Variants in CAMK4 observed in about 807,000 individuals in gnomAD.
The protein encoded by CAMK4 is calcium/calmodulin-dependent protein kinase type IV.
A neutral mutation model predicts 44.9 loss-of-function variants in CAMK4; 22 were observed. The ratio of observed to expected loss-of-function variants is 0.49; its 90% CI spans 0.35 to 0.70. The LOEUF (loss-of-function observed/expected upper bound fraction) is 0.70, where lower values mean the gene tolerates loss of function less well. CAMK4 is among the 30% of genes least tolerant of loss of function. The probability of loss-of-function intolerance (pLI) is 0.01; values close to 1 mark genes in which losing one functional copy is unlikely to be tolerated. For missense variants in CAMK4, 498 were observed against 586.8 expected, an observed-to-expected ratio of 0.85 and a Z score of 1.56; for synonymous variants, 218 against 215.4, an observed-to-expected ratio of 1.01 and a Z score of -0.11.
intron 1 of CAMK4, among the ~76,000 whole-genome samples, chr5:111,273,754 CACAT>C (rs1255021337): frequency 3.5e-5 from 5 of 143,736 alleles, no homozygotes; most frequent in Admixed American, 2.1e-4. Context: ...CGCTCACACA[CACAT>C]ACACACACAC....
At chr5:111,324,987 C>T (rs1313214783) in intron 1 of CAMK4, among the ~76,000 whole-genome samples, 7 of 151,666 alleles carry the variant, frequency 4.6e-5, no homozygotes, top group South Asian at 2.1e-4. Flanking sequence ...TTTCCTAATG[C>T]GCTCCCTCCC....
chr5:111,365,115 A>AAG (rs1750742753), intron 2 of CAMK4: 1 of 152,318 alleles, frequency 6.6e-6, no homozygotes, highest in Non-Finnish European at 1.5e-5. Flanking sequence ...CCAACAGTGG[A>AAG]GACTATCCTG....
intron 5 of CAMK4, among the ~76,000 whole-genome samples, chr5:111,424,736 C>T (rs188098474): frequency 1.8e-4 from 28 of 151,956 alleles, no homozygotes; most frequent in Middle Eastern, 3.4e-3. Flanking sequence ...CGTGAGCCAC[C>T]GCGTCCAGCC....
At chr5:111,426,739 C>A (rs73787175) in intron 5 of CAMK4, among the ~76,000 whole-genome samples, 41 of 152,288 alleles carry the variant, frequency 2.7e-4, no homozygotes, top group Admixed American at 1.2e-3. Flanking sequence ...TCAGTGCTGT[C>A]CTGTTAGAGC....
intron 1 of CAMK4, among the ~76,000 whole-genome samples, chr5:111,295,984 A>G (rs1747467822): frequency 6.6e-6 from 1 of 152,258 alleles, no homozygotes. Context: ...TACTGTATTA[A>G]TGGTATAATA....
At chr5:111,453,319 A>G (rs1411297748) in intron 7 of CAMK4, among the ~76,000 whole-genome samples, 1 of 152,242 alleles carries the variant, frequency 6.6e-6, no homozygotes, top group Non-Finnish European at 1.5e-5. Flanking sequence ...TGAATTAAAT[A>G]CAAATTTTAA....
chr5:111,280,992 TTAGA>T (rs1750986766), intron 1 of CAMK4, among the ~76,000 whole-genome samples: 2 of 152,218 alleles, frequency 1.3e-5, no homozygotes, highest in Non-Finnish European at 2.9e-5. Context: ...GCCCTGCCAG[TTAGA>T]TACACTCAAA....
At position 111,490,556 on chromosome 5, in the gene CAMK4, C is replaced by T. The variant is rs557642646; in HGVS notation, c.*6090C>T. The T allele has an allele frequency of 3.3e-5, 5 of 152,082 alleles. No individual in the cohort carries two copies. Among genetic ancestry groups the T allele is most frequent in the Non-Finnish European group, 7.3e-5 (5 of 68,070 alleles). 9.4% of individuals were successfully genotyped at this position (152,082 alleles called of 1,614,324 possible). A position where few individuals can be genotyped will look rare whatever the true frequency, so the allele number is the denominator to read the frequency against. On this transcript the variant is annotated 3_prime_UTR_variant, in exon 11 of 11. Coordinates refer to ENST00000282356, the MANE Select transcript of CAMK4 (RefSeq NM_001744.6). ...GAGGTTGCAGTGAGCCAAGATCATG[C>T]CACTGCACTCCAGCCTGGACAACAA...
At chr5:111,457,362 AC>A (rs1194096230) in intron 7 of CAMK4, among the ~76,000 whole-genome samples, 1 of 152,216 alleles carries the variant, frequency 6.6e-6, no homozygotes, top group Non-Finnish European at 1.5e-5. Flanking sequence ...AGCAGACCTT[AC>A]ATTTGAACAT....
At chr5:111,425,898 A>C (rs981379657) in intron 5 of CAMK4, among the ~76,000 whole-genome samples, 2 of 152,216 alleles carry the variant, frequency 1.3e-5, no homozygotes, top group Non-Finnish European at 2.9e-5. Flanking sequence ...AGGAATAGAT[A>C]CTTTTTTTAA....
chr5:111,322,900 C>T (rs191197697), intron 1 of CAMK4, among the ~76,000 whole-genome samples: 2 of 151,924 alleles, frequency 1.3e-5, no homozygotes, highest in Non-Finnish European at 2.9e-5. Context: ...GGATTAAAGG[C>T]TGCAAAAGAA....
chr5:111,330,904 C>A (rs1376353764), intron 1 of CAMK4, among the ~76,000 whole-genome samples: 3 of 151,622 alleles, frequency 2.0e-5, no homozygotes, highest in Non-Finnish European at 3.0e-5. Context: ...GGTGCTGGAA[C>A]AACTACATAA....
intron 1 of CAMK4, among the ~76,000 whole-genome samples, chr5:111,229,243 T>C (rs1254452485): frequency 6.6e-6 from 1 of 152,186 alleles, no homozygotes; most frequent in Non-Finnish European, 1.5e-5. Flanking sequence ...TCCCAGCCAA[T>C]GCATTTCCTC....
chr5:111,224,288 G>T, upstream of CAMK4: 1 of 687,206 alleles, frequency 1.5e-6, no homozygotes, highest in Non-Finnish European at 2.1e-6. This position sits in a 1 kb window ranked among gnomAD's most constrained non-coding sequence, Gnocchi z 5.7. Context: ...GTTCCCCCTC[G>T]CGCCCTCTCG....
chr5:111,325,770 A>G (rs1173504621), intron 1 of CAMK4, among the ~76,000 whole-genome samples: 1 of 151,848 alleles, frequency 6.6e-6, no homozygotes, highest in East Asian at 1.9e-4. Flanking sequence ...TATATTCTCT[A>G]TATTAGACCT....
chr5:111,361,586 G>T (rs1174187004), intron 2 of CAMK4, among the ~76,000 whole-genome samples: 1 of 152,010 alleles, frequency 6.6e-6, no homozygotes, highest in Non-Finnish European at 1.5e-5. Flanking sequence ...TTACACCTCT[G>T]TCAGACTTGA....
At position 111,436,468 on chromosome 5, in the gene CAMK4, C is replaced by A. The variant is rs999834770; in HGVS notation, c.460-10218C>A. On this transcript the variant is annotated intron_variant, in intron 5 of 10. Transcript: ENST00000282356. The stretch of plus-strand genomic sequence containing the variant: ...ATTATCTTTCTACCAGCATCCTGTT[C>A]TTTTCCCCTATGACATTGCCATCCC... 8.5e-5 allele frequency among the ~76,000 whole-genome samples: 13 copies of A among 152,248 alleles called. No individual in the cohort carries two copies. The East Asian group carries it at 1.9e-3, about 23-fold the overall frequency.
chr5:111,353,745 T>C (rs1282856826), intron 2 of CAMK4, among the ~76,000 whole-genome samples: 2 of 152,088 alleles, frequency 1.3e-5, no homozygotes. Context: ...AAACAATCTC[T>C]TTTATGACAG....
intron 7 of CAMK4, among the ~76,000 whole-genome samples, chr5:111,461,139 T>C (rs1754628344): frequency 6.6e-6 from 1 of 152,178 alleles, no homozygotes; most frequent in African/African-American, 2.4e-5. Context: ...AGTATATCAC[T>C]TGTGTTTCAA....
Sources: gnomAD v4.1 joint callset for allele counts (sites outside exome capture counted in the v4.1 genomes callset) on GRCh38, gnomAD v4.1.1 for gene constraint, Gnocchi (gnomAD v3.1) non-coding constraint, MANE v1.5 for transcripts, NCBI Gene and HGNC (gene_info 2026-07-23, HGNC 2026-07-21) for gene names.